EPGN: variants seen among roughly 807,000 people sequenced by gnomAD.
EPGN encodes epigen.
In EPGN, 21 loss-of-function variants were observed where a neutral mutation model predicts 20.7. The observed-to-expected ratio is 1.01, with a 90% CI of 0.72 to 1.46. The LOEUF (loss-of-function observed/expected upper bound fraction) is 1.46. Ranked by LOEUF, EPGN falls within the 40% of genes most tolerant of loss-of-function variation. The pLI, the probability that EPGN is intolerant of heterozygous loss-of-function variation, is 0.00. For missense variants in EPGN, 199 were observed against 180.7 expected (o/e 1.10, Z -0.58); for synonymous variants, 69 against 63.8 (o/e 1.08, Z -0.39).
At chr4:74,310,474 A>G (rs1186106957) in intron 2 of EPGN, among the ~76,000 whole-genome samples, 2 of 151,268 alleles carry the variant, frequency 1.3e-5, no homozygotes, top group Non-Finnish European at 2.9e-5. Context: ...AAAAAAAAAA[A>G]AAAAAAAAAA....
chr4:74,311,474 C>T (rs1406838851), intron 2 of EPGN, among the ~76,000 whole-genome samples: 1 of 151,976 alleles, frequency 6.6e-6, no homozygotes, highest in African/African-American at 2.4e-5. Flanking sequence ...TCCCTACAAA[C>T]AAGTAAGATT....
At chr4:74,312,086 A>C in intron 2 of EPGN, 99 bp from the exon 3 acceptor site, 2 of 1,372,856 alleles carry the variant, frequency 1.5e-6, no homozygotes, top group South Asian at 3.2e-5. Flanking sequence ...ACCACCCCCA[A>C]ATATCCTTAA....
Position 74,313,015 on chromosome 4 carries a change from A to T in EPGN, c.255-3A>T. Reference sequence around the variant, plus strand: ...AAATTAAACTTTTTTTCTTTTTTTAAAGGTGTTTTACTGGTTATACTGGAG... The same window carrying T: ...AAATTAAACTTTTTTTCTTTTTTTATAGGTGTTTTACTGGTTATACTGGAG... On this transcript the variant is annotated splice_polypyrimidine_tract_variant and splice_region_variant and intron_variant, in intron 3 of 4. Coordinates refer to ENST00000413830, the MANE Select transcript of EPGN (RefSeq NM_001270989.2). 6.3e-7 allele frequency: 1 copy of T among 1,577,986 alleles called. No individual in the cohort carries two copies.
intron 2 of EPGN, among the ~76,000 whole-genome samples, chr4:74,310,433 GC>G (rs1442445607): frequency 1.0e-5 from 1 of 95,788 alleles, no homozygotes; most frequent in Admixed American, 1.0e-4. Context: ...TTGCACTCCA[GC>G]CGGGGTGACA....
rs758845621 is a variant in EPGN, at chr4:74,313,172, T to C, written c.407+2T>C. The C allele has an allele frequency of 1.9e-6, 3 of 1,607,560 alleles. No homozygotes were observed. In the African/African-American group the frequency reaches 4.0e-5, roughly 22 times the overall value. On this transcript the variant is annotated splice_donor_variant, in intron 4 of 4. Coordinates refer to ENST00000413830, the MANE Select transcript of EPGN (RefSeq NM_001270989.2). LOFTEE classifies it high-confidence loss of function. ...TTTTTACTGCTATATAAGAAAGAGGTATGAAAAAGACAAAATATGAAGTCA... is the reference window on the plus strand; with the variant it reads ...TTTTTACTGCTATATAAGAAAGAGGCATGAAAAAGACAAAATATGAAGTCA...
rs769600590 is a variant in EPGN at position 74,312,875 on chromosome 4, G to C, written c.255-143G>C. On this transcript the variant is annotated intron_variant, in intron 3 of 4. Coordinates refer to ENST00000413830, the MANE Select transcript of EPGN (RefSeq NM_001270989.2). ...AAAATTCATAGCTGCTTCATTGCCC[G>C]TAACAGATTGGCTTTCATTTGGTAT... 33 of 689,138 alleles carry C rather than the reference G, an allele frequency of 4.8e-5. No homozygotes were observed. In the South Asian group the frequency reaches 7.0e-4, roughly 15 times the overall value. 42.7% of individuals were successfully genotyped at this position (689,138 alleles called of 1,614,324 possible). A position where few individuals can be genotyped will look rare whatever the true frequency, so the allele number is the denominator to read the frequency against.
chr4:74,311,924 C>G (rs2110352799), intron 2 of EPGN, among the ~76,000 whole-genome samples: 1 of 152,232 alleles, frequency 6.6e-6, no homozygotes, highest in East Asian at 1.9e-4. Flanking sequence ...GTTGCCTTTT[C>G]TGTCTTACTG....
In EPGN at chr4:74,314,164, G is replaced by C. The variant is rs80248565; in HGVS notation, c.408-416G>C. Reference sequence around the variant, plus strand: ...TAATAAAGTAAGGAAAGCAGATGGAGCACAAGAAGAAGCTAAGCAAAGATG... The same window carrying C: ...TAATAAAGTAAGGAAAGCAGATGGACCACAAGAAGAAGCTAAGCAAAGATG... On this transcript the variant is annotated intron_variant, in intron 4 of 4. Coordinates refer to ENST00000413830, the MANE Select transcript of EPGN (RefSeq NM_001270989.2). 1,775 of 459,966 alleles carry C rather than the reference G, an allele frequency of 3.9e-3. 31 individuals carry two copies. Among genetic ancestry groups the C allele is most frequent in the African/African-American group, 0.032 (1,626 of 50,370 alleles). The allele number at this position is 459,966 out of a possible 1,614,324, so 28.5% of individuals were successfully genotyped here.
chr4:74,313,659 T>C, intron 4 of EPGN: 1 of 957,094 alleles, frequency 1.0e-6, no homozygotes, highest in Non-Finnish European at 1.2e-6. Flanking sequence ...CAGAAGATAC[T>C]GTCTCCTGCT....
chr4:74,313,200 T>G (rs1465484921), intron 4 of EPGN, 30 bp downstream of exon 4: 1 of 1,594,448 alleles, frequency 6.3e-7, no homozygotes, highest in East Asian at 2.3e-5. Context: ...TGAAGTCACT[T>G]CATATGCAAT....
intron 2 of EPGN, among the ~76,000 whole-genome samples, chr4:74,311,491 A>G (rs1750948977): frequency 6.6e-6 from 1 of 152,200 alleles, no homozygotes. Flanking sequence ...GATTCTCTTA[A>G]TCTTAGCAAG....
intron 2 of EPGN, among the ~76,000 whole-genome samples, chr4:74,311,003 T>G (rs993832050): frequency 6.6e-6 from 1 of 152,244 alleles, no homozygotes; most frequent in Non-Finnish European, 1.5e-5. Context: ...CATTTCTGTA[T>G]TTTTCCTTTG....
At chr4:74,311,187 T>G (rs1205500406) in intron 2 of EPGN, among the ~76,000 whole-genome samples, 1 of 152,198 alleles carries the variant, frequency 6.6e-6, no homozygotes, top group Non-Finnish European at 1.5e-5. Flanking sequence ...CACATTTTTC[T>G]ACCAAATCTA....
chr4:74,313,227 A>T (rs776103586), intron 4 of EPGN, 57 bp downstream of exon 4: 1 of 1,562,320 alleles, frequency 6.4e-7, no homozygotes, highest in Non-Finnish European at 8.6e-7. Flanking sequence ...ACAAATAGTT[A>T]TTCAGGCCCT....
chr4:74,314,817 A>T lies in EPGN; in HGVS notation c.*180A>T. The T allele has an allele frequency of 4.9e-6, 3 of 612,526 alleles. No homozygotes were observed. Among genetic ancestry groups the T allele is most frequent in the Non-Finnish European group, 8.5e-6 (3 of 354,690 alleles). The allele number at this position is 612,526 out of a possible 1,614,324, so 37.9% of individuals were successfully genotyped here. Reference sequence around the variant, plus strand: ...TGGCCTTTAGACTTTGCCATCCTTAAGGAGTGATGGAAGCCAAGTGAACAA... The same window carrying T: ...TGGCCTTTAGACTTTGCCATCCTTATGGAGTGATGGAAGCCAAGTGAACAA... On this transcript the variant is annotated 3_prime_UTR_variant, in exon 5 of 5. Coordinates refer to ENST00000413830, the MANE Select transcript of EPGN (RefSeq NM_001270989.2).
Position 74,308,522 on chromosome 4 carries a change from C to A in EPGN, c.-12C>A, listed in dbSNP as rs762444180. 2.2e-5 allele frequency: 35 copies of A among 1,606,522 alleles called. No individual in the cohort carries two copies. In the African/African-American group the frequency reaches 4.0e-4, roughly 18 times the overall value. On this transcript the variant is annotated 5_prime_UTR_variant, in exon 1 of 5. Transcript: ENST00000413830. ...GAAGGATAAGAGAAAGAAAGTTAAG[C>A]AACTACAGGAAATGGCTTTGGGAGT...
chr4:74,314,641 C>T lies in EPGN; in HGVS notation c.*4C>T. ...TGGAGAAAGACGACCACTGTGAGGCCTTTGTGAAGAATTTTCATCAAGGCA... is the reference window on the plus strand; with the variant it reads ...TGGAGAAAGACGACCACTGTGAGGCTTTTGTGAAGAATTTTCATCAAGGCA... On this transcript the variant is annotated 3_prime_UTR_variant, in exon 5 of 5. Transcript: ENST00000413830. The T allele has an allele frequency of 6.5e-7, 1 of 1,535,874 alleles. No individual in the cohort carries two copies. The highest frequency in any genetic ancestry group is 8.7e-7 in the Non-Finnish European group (1 of 1,146,750).
intron 4 of EPGN, 199 bp downstream of exon 4, chr4:74,313,369 G>GT: frequency 7.2e-7 from 1 of 1,397,952 alleles, no homozygotes; most frequent in South Asian, 1.8e-5. Context: ...TTTGCCTTCA[G>GT]TTGTAATAGG....
chr4:74,308,489 T>C lies in EPGN; in HGVS notation c.-45T>C, dbSNP rs1750676888. ...GAGCTCAATAAAAACCTTCCACCCG[T>C]CAGTCTAGAAGGATAAGAGAAAGAA... On this transcript the variant is annotated 5_prime_UTR_variant, in exon 1 of 5. Transcript: ENST00000413830. 6.6e-7 allele frequency: 1 copy of C among 1,513,916 alleles called. No individual in the cohort carries two copies. Among genetic ancestry groups the C allele is most frequent in the Non-Finnish European group, 9.0e-7 (1 of 1,107,598 alleles). The allele number at this position is 1,513,916 out of a possible 1,614,324, so 93.8% of individuals were successfully genotyped here.
Sources: allele counts gnomAD v4.1 joint callset (sites outside exome capture counted in the v4.1 genomes callset), GRCh38; gene constraint gnomAD v4.1.1; transcripts MANE v1.5; gene names NCBI Gene and HGNC (gene_info 2026-07-23, HGNC 2026-07-21).